FER1L6: variants seen among roughly 807,000 people sequenced by gnomAD.
FER1L6 encodes the protein fer-1 like family member 6.
Under a neutral mutation model 219.2 loss-of-function variants are expected in FER1L6, and 177 were observed. That is an observed-to-expected ratio of 0.81 (90% CI 0.71 to 0.91). The LOEUF is 0.91. FER1L6 is among the 40% of genes least tolerant of loss of function. FER1L6 has a pLI of 0.00. For missense variants in FER1L6, 2,153 were observed against 2,259.9 expected, an observed-to-expected ratio of 0.95 and a Z score of 0.96; for synonymous variants, 768 against 824.3, an observed-to-expected ratio of 0.93 and a Z score of 1.17.
chr8:123,947,659 A>G (rs1262774683), intron 1 of FER1L6, among the ~76,000 whole-genome samples: 1 of 152,228 alleles, frequency 6.6e-6, no homozygotes, highest in Non-Finnish European at 1.5e-5. Flanking sequence ...GTACATATGT[A>G]AACTAGGCAT....
chr8:123,918,439 TATC>T (rs1312405215), intron 1 of FER1L6, among the ~76,000 whole-genome samples: 5 of 152,234 alleles, frequency 3.3e-5, no homozygotes, highest in African/African-American at 7.2e-5. Context: ...ATTCTATAAT[TATC>T]ATCCTTGTGT....
chr8:123,970,346 G>C, intron 6 of FER1L6, among the ~76,000 whole-genome samples: 1 of 152,162 alleles, frequency 6.6e-6, no homozygotes, highest in South Asian at 2.1e-4. Flanking sequence ...ATTACTGATT[G>C]AATCATGTAG....
At chr8:123,927,388 T>C (rs1228639888) in intron 1 of FER1L6, among the ~76,000 whole-genome samples, 1 of 152,240 alleles carries the variant, frequency 6.6e-6, no homozygotes, top group African/African-American at 2.4e-5. Flanking sequence ...TATCCAGGTT[T>C]CTAATGAAGC....
chr8:123,915,514 G>A (rs530254597), intron 1 of FER1L6, among the ~76,000 whole-genome samples: 15 of 152,216 alleles, frequency 9.9e-5, no homozygotes, highest in African/African-American at 3.6e-4. Context: ...TGGGCTGATT[G>A]ACTGTTAAAA....
intron 1 of FER1L6, among the ~76,000 whole-genome samples, chr8:123,856,316 G>GTGTATATATATATATATATATA (rs71576706): frequency 8.9e-5 from 4 of 45,112 alleles, no homozygotes; most frequent in African/African-American, 3.5e-4. Context: ...ATATGTATGT[G>GTGTATATATATATATATATATA]TATATATATA....
At chr8:123,868,924 TC>T (rs201204402) in intron 1 of FER1L6, among the ~76,000 whole-genome samples, 1,877 of 152,262 alleles carry the variant, frequency 0.012, 32 homozygotes, top group African/African-American at 0.037. Context: ...AATGATTTAA[TC>T]AGTAGTTCAG....
chr8:123,872,925 T>C (rs1030276477), intron 1 of FER1L6, among the ~76,000 whole-genome samples: 2 of 152,198 alleles, frequency 1.3e-5, no homozygotes, highest in African/African-American at 4.8e-5. Flanking sequence ...GTTGGTCTCA[T>C]TCACACTGCT....
intron 2 of FER1L6, among the ~76,000 whole-genome samples, chr8:123,959,462 G>C (rs1374214449): frequency 2.6e-5 from 4 of 152,176 alleles, no homozygotes; most frequent in African/African-American, 9.7e-5. Context: ...CATTCCTTCT[G>C]GCAGCTCTGC....
chr8:123,946,443 A>G (rs1049388903), intron 1 of FER1L6, among the ~76,000 whole-genome samples: 23 of 152,180 alleles, frequency 1.5e-4, no homozygotes, highest in African/African-American at 5.3e-4. Context: ...TAGTAGAGAC[A>G]GGGTTTTGCC....
At chr8:123,948,157 G>T (rs560573435) in intron 1 of FER1L6, among the ~76,000 whole-genome samples, 87 of 152,224 alleles carry the variant, frequency 5.7e-4, no homozygotes, top group African/African-American at 2.0e-3. Context: ...TATTTCATTT[G>T]ATATCCATGA....
Position 124,118,873 on chromosome 8 carries a change from T to G in FER1L6, c.5319T>G (p.Val1773=), listed in dbSNP as rs779946204. The change falls in exon 40 of 41, where the codon GTT becomes GTG. Residue 1773 remains valine, a synonymous_variant. Coordinates refer to ENST00000522917, the MANE Select transcript of FER1L6 (RefSeq NM_001039112.2). ...AGGTTGAAGCTGAGTTCCACCTAGT[T>G]ACAGCAGAAGAAGCTGAGAAAAATC... ...TGKVEAEFHL[V]TAEEAEKNPV... 6 of 1,614,010 alleles carry G rather than the reference T, an allele frequency of 3.7e-6. No homozygotes were observed. Among genetic ancestry groups the G allele is most frequent in the Admixed American group, 1.7e-5 (1 of 60,000 alleles).
intron 39 of FER1L6, among the ~76,000 whole-genome samples, chr8:124,118,254 G>A (rs1823330313): frequency 6.6e-6 from 1 of 152,114 alleles, no homozygotes; most frequent in Non-Finnish European, 1.5e-5. Context: ...AGAAACTATG[G>A]CATAGTGCTC....
At chr8:124,106,659 T>A (rs1822788720) in intron 39 of FER1L6, among the ~76,000 whole-genome samples, 1 of 152,128 alleles carries the variant, frequency 6.6e-6, no homozygotes. Flanking sequence ...TTTTTAGCAG[T>A]TGCCCCTCTG....
intron 3 of FER1L6, among the ~76,000 whole-genome samples, chr8:123,964,764 C>T (rs1433054343): frequency 6.6e-6 from 1 of 152,324 alleles, no homozygotes; most frequent in South Asian, 2.1e-4. Context: ...CCCACCAATG[C>T]TCAATTCAAA....
At chr8:123,993,039 C>G (rs903500007) in intron 12 of FER1L6, among the ~76,000 whole-genome samples, 1 of 152,044 alleles carries the variant, frequency 6.6e-6, no homozygotes, top group Non-Finnish European at 1.5e-5. Flanking sequence ...TAGTTTTATT[C>G]TGTGGTCTGA....
intron 16 of FER1L6, among the ~76,000 whole-genome samples, chr8:124,021,151 A>T (rs931303692): frequency 1.3e-5 from 2 of 152,128 alleles, no homozygotes. Flanking sequence ...AAATAAGGGT[A>T]AACGCCTCCA....
At chr8:123,944,936 A>G (rs1235984669) in intron 1 of FER1L6, among the ~76,000 whole-genome samples, 3 of 152,150 alleles carry the variant, frequency 2.0e-5, no homozygotes, top group African/African-American at 7.2e-5. Context: ...CTATAAGTTG[A>G]GCTTTTCAGC....
chr8:124,022,915 A>AT (rs749578482), intron 17 of FER1L6, among the ~76,000 whole-genome samples: 6 of 150,938 alleles, frequency 4.0e-5, no homozygotes, highest in African/African-American at 1.5e-4. Flanking sequence ...CACTTTATTT[A>AT]TTTATTTTTT....
intron 2 of FER1L6, among the ~76,000 whole-genome samples, chr8:123,961,256 A>C (rs534005810): frequency 2.6e-4 from 40 of 152,042 alleles, no homozygotes; most frequent in Non-Finnish European, 4.6e-4. Context: ...ATAGAGTAAG[A>C]CCCTGTCTCC....
Sources: gnomAD v4.1 joint callset for allele counts (sites outside exome capture counted in the v4.1 genomes callset) on GRCh38, gnomAD v4.1.1 for gene constraint, MANE v1.5 for transcripts, NCBI Gene and HGNC (gene_info 2026-07-23, HGNC 2026-07-21) for gene names.